Variants in SPTLC3 observed in about 807,000 individuals in gnomAD.
SPTLC3 encodes serine palmitoyltransferase long chain base subunit 3.
A neutral mutation model predicts 59.3 loss-of-function variants in SPTLC3; 36 were observed. The observed-to-expected ratio is 0.61, with a 90% CI of 0.47 to 0.80. SPTLC3 has a LOEUF of 0.80. Ranked by LOEUF, SPTLC3 falls within the 30% of genes least tolerant of loss-of-function variation. The pLI, the probability that SPTLC3 is intolerant of heterozygous loss-of-function variation, is 0.00. For missense variants in SPTLC3, 625 were observed against 685.1 expected, an observed-to-expected ratio of 0.91 and a Z score of 0.98; for synonymous variants, 257 against 240.8, an observed-to-expected ratio of 1.07 and a Z score of -0.62.
intron 4 of SPTLC3, among the ~76,000 whole-genome samples, chr20:13,085,674 G>A (rs899266647): frequency 6.6e-6 from 1 of 152,184 alleles, no homozygotes; most frequent in Non-Finnish European, 1.5e-5. Flanking sequence ...ATTAACAAAT[G>A]TCAATATGTA....
intron 2 of SPTLC3, among the ~76,000 whole-genome samples, chr20:13,054,299 T>C (rs1987624873): frequency 6.6e-6 from 1 of 152,090 alleles, no homozygotes; most frequent in Admixed American, 6.6e-5. Context: ...ACATGTATTA[T>C]AAGAACAATG....
At position 13,110,098 on chromosome 20, in the gene SPTLC3, G is replaced by C. The variant is rs2236126; in HGVS notation, c.827-14G>C. The stretch of plus-strand genomic sequence containing the variant: ...CTTTCATGACTCAATTTTTTTTTTT[G>C]GTATTATTTAAAGACACACAAAGCC... On this transcript the variant is annotated splice_polypyrimidine_tract_variant and intron_variant, in intron 6 of 11. Coordinates refer to ENST00000399002, the MANE Select transcript of SPTLC3 (RefSeq NM_018327.4). 538,566 of 1,562,012 alleles carry C rather than the reference G, an allele frequency of 0.34. 96,948 individuals are homozygous for C. The highest frequency in any genetic ancestry group is 0.61 in the African/African-American group (43,386 of 71,642).
intron 6 of SPTLC3, among the ~76,000 whole-genome samples, chr20:13,099,901 A>T (rs546508359): frequency 1.3e-5 from 2 of 152,326 alleles, no homozygotes; most frequent in South Asian, 4.1e-4. Flanking sequence ...GAAGCTAATA[A>T]CTTGTGAGAC....
At chr20:13,023,304 T>A (rs887252876) in intron 1 of SPTLC3, among the ~76,000 whole-genome samples, 1 of 148,020 alleles carries the variant, frequency 6.8e-6, no homozygotes, top group Non-Finnish European at 1.5e-5. Context: ...CACATATACC[T>A]ACACACATAA....
intron 4 of SPTLC3, among the ~76,000 whole-genome samples, chr20:13,085,342 T>C (rs1178985755): frequency 6.6e-6 from 1 of 152,150 alleles, no homozygotes; most frequent in Admixed American, 6.6e-5. Flanking sequence ...CCAAATGCTT[T>C]TGAAGCATGA....
intron 2 of SPTLC3, among the ~76,000 whole-genome samples, chr20:13,052,445 G>A (rs1476686173): frequency 6.6e-6 from 1 of 151,848 alleles, no homozygotes; most frequent in African/African-American, 2.4e-5. Context: ...AAATTGGGCA[G>A]CTGTTTAGGC....
chr20:13,081,575 C>T (rs777285994), intron 4 of SPTLC3, among the ~76,000 whole-genome samples: 16 of 152,102 alleles, frequency 1.1e-4, no homozygotes, highest in East Asian at 5.8e-4. Flanking sequence ...GCCTTAAGAA[C>T]GAGCAGTTTC....
At chr20:13,050,119 G>T (rs931724935) in intron 2 of SPTLC3, 11 of 152,156 alleles carry the variant, frequency 7.2e-5, no homozygotes, top group African/African-American at 2.7e-4. Context: ...AATTCAGGAG[G>T]TTATTAAGCT....
At chr20:13,117,814 A>G in intron 8 of SPTLC3, 89 bp downstream of exon 8, 1 of 1,247,112 alleles carries the variant, frequency 8.0e-7, no homozygotes, top group Non-Finnish European at 1.1e-6. Flanking sequence ...TGAAAGCTTC[A>G]ATTCAGTTCA....
At chr20:13,155,286 G>A (rs1432949740) in intron 10 of SPTLC3, among the ~76,000 whole-genome samples, 2 of 152,112 alleles carry the variant, frequency 1.3e-5, no homozygotes, top group South Asian at 2.1e-4. Context: ...AACATACTAC[G>A]CATCAGATTC....
rs901077008 is a variant in SPTLC3, at chr20:13,130,195, A to G, written c.1279+3478A>G. Among the ~76,000 whole-genome samples the G allele has an allele frequency of 9.2e-5, 14 of 152,340 alleles. No homozygotes were observed. The East Asian group carries it at 2.5e-3, about 27-fold the overall frequency. On this transcript the variant is annotated intron_variant, in intron 9 of 11. Coordinates refer to ENST00000399002, the MANE Select transcript of SPTLC3 (RefSeq NM_018327.4). The stretch of plus-strand genomic sequence containing the variant: ...GGCTGCTTTAAATCAAATGAGCAGG[A>G]CAGGTTAGGAATATTGCATTAGCTC...
At chr20:13,134,094 T>C (rs2038187891) in intron 9 of SPTLC3, among the ~76,000 whole-genome samples, 2 of 152,148 alleles carry the variant, frequency 1.3e-5, no homozygotes, top group Admixed American at 1.3e-4. Flanking sequence ...ACTGTCACGG[T>C]CAGGTGTACG....
intron 1 of SPTLC3, among the ~76,000 whole-genome samples, chr20:13,022,308 T>C (rs2122393338): frequency 6.6e-6 from 1 of 152,320 alleles, no homozygotes; most frequent in Middle Eastern, 3.4e-3. Context: ...TAGCCCCCTT[T>C]ATCTCTCACC....
chr20:13,035,680 C>T (rs1986703589), intron 1 of SPTLC3, among the ~76,000 whole-genome samples: 1 of 152,152 alleles, frequency 6.6e-6, no homozygotes, highest in Non-Finnish European at 1.5e-5. Flanking sequence ...ATAGATTTAT[C>T]ATACATGACT....
chr20:13,117,050 A>T (rs1004354089), intron 7 of SPTLC3, among the ~76,000 whole-genome samples: 3 of 152,198 alleles, frequency 2.0e-5, no homozygotes, highest in Non-Finnish European at 4.4e-5. Context: ...TGTCTTTTTA[A>T]TTCCCTCTTT....
intron 2 of SPTLC3, among the ~76,000 whole-genome samples, chr20:13,060,413 T>TTTAC (rs991245586): frequency 7.1e-6 from 1 of 141,814 alleles, no homozygotes; most frequent in African/African-American, 2.6e-5. Flanking sequence ...TATTTATTTA[T>TTTAC]TTATCTGGGG....
intron 2 of SPTLC3, among the ~76,000 whole-genome samples, chr20:13,061,328 TTTG>T (rs1190476500): frequency 6.6e-6 from 1 of 152,136 alleles, no homozygotes; most frequent in Non-Finnish European, 1.5e-5. Flanking sequence ...GCTTCTAACA[TTTG>T]TTACTTTGTC....
At chr20:13,111,532 G>A (rs537016794) in intron 7 of SPTLC3, among the ~76,000 whole-genome samples, 1 of 152,282 alleles carries the variant, frequency 6.6e-6, no homozygotes, top group East Asian at 1.9e-4. Context: ...GAGAAAACCT[G>A]TTCTGGTATA....
Position 13,061,814 on chromosome 20 carries a change from C to G in SPTLC3, c.304-10442C>G, listed in dbSNP as rs577748171. ...CACCTCAGATGTACCCTGCTTCCAC[C>G]CTTGAACCCAACAGTCTCTTCTCCA... On this transcript the variant is annotated intron_variant, in intron 2 of 11. Transcript: ENST00000399002. Among the ~76,000 whole-genome samples, 4 of 152,270 alleles carry G rather than the reference C, an allele frequency of 2.6e-5. No individual in the cohort carries two copies. In the East Asian group the frequency reaches 7.7e-4, roughly 29 times the overall value.
Sources: gnomAD v4.1 joint callset for allele counts (sites outside exome capture counted in the v4.1 genomes callset) on GRCh38, gnomAD v4.1.1 for gene constraint, MANE v1.5 for transcripts, NCBI Gene and HGNC (gene_info 2026-07-23, HGNC 2026-07-21) for gene names.